COMMD10: variants seen among roughly 807,000 people sequenced by gnomAD.
COMMD10 encodes the protein COMM domain-containing protein 10.
In COMMD10, 33 loss-of-function variants were observed where a neutral mutation model predicts 28.9. The ratio of observed to expected loss-of-function variants is 1.14; its 90% confidence interval spans 0.87 to 1.53. COMMD10 has a LOEUF of 1.53. Among genes scored for constraint, COMMD10 ranks in the 40% most tolerant of loss-of-function variants. COMMD10 has a pLI of 0.00. For missense variants in COMMD10, 310 were observed against 233.4 expected, an observed-to-expected ratio of 1.33 and a Z score of -2.14; for synonymous variants, 110 against 81.7, an observed-to-expected ratio of 1.35 and a Z score of -1.87.
intron 4 of COMMD10, among the ~76,000 whole-genome samples, chr5:116,117,293 A>G (rs1751272045): frequency 6.6e-6 from 1 of 152,160 alleles, no homozygotes; most frequent in African/African-American, 2.4e-5. Context: ...ATATCTAGTA[A>G]TGGGGATTGC....
At chr5:116,112,501 A>G (rs997685012) in intron 4 of COMMD10, among the ~76,000 whole-genome samples, 3 of 152,050 alleles carry the variant, frequency 2.0e-5, no homozygotes, top group Admixed American at 6.5e-5. Flanking sequence ...GGTTCAAGCA[A>G]TTCTCCTGCC....
intron 5 of COMMD10, among the ~76,000 whole-genome samples, chr5:116,170,475 G>C (rs909138640): frequency 6.6e-6 from 1 of 152,148 alleles, no homozygotes; most frequent in Non-Finnish European, 1.5e-5. Context: ...CACAGAATTA[G>C]AGGAAACTAC....
At chr5:116,230,447 A>G (rs1749501057) in intron 5 of COMMD10, among the ~76,000 whole-genome samples, 2 of 152,036 alleles carry the variant, frequency 1.3e-5, no homozygotes, top group Non-Finnish European at 2.9e-5. Context: ...GCTTCTTTGC[A>G]TTATAACCAG....
intron 5 of COMMD10, among the ~76,000 whole-genome samples, chr5:116,194,909 A>T (rs1748469247): frequency 6.6e-6 from 1 of 152,196 alleles, no homozygotes; most frequent in Admixed American, 6.5e-5. Flanking sequence ...AGATGCTAAA[A>T]TCCTTAACAA....
intron 5 of COMMD10, among the ~76,000 whole-genome samples, chr5:116,222,779 C>T (rs1270170873): frequency 6.6e-6 from 1 of 152,142 alleles, no homozygotes; most frequent in Non-Finnish European, 1.5e-5. Flanking sequence ...GCAACCTCTG[C>T]CTCCCAGGTT....
chr5:116,162,803 T>G (rs1752960936), intron 5 of COMMD10, among the ~76,000 whole-genome samples: 1 of 152,172 alleles, frequency 6.6e-6, no homozygotes, highest in Non-Finnish European at 1.5e-5. Context: ...AGTGTTGGGT[T>G]ATCGCACAGA....
In COMMD10 at chr5:116,092,526, T is replaced by C; in HGVS notation, c.244-19T>C. ...ATGAAGATGAGGGACATATGTAATT[T>C]TTTGTTTCTTTTTAATAGGCAGTGT... is the stretch of plus-strand genomic sequence containing the variant. On this transcript the variant is annotated intron_variant, in intron 3 of 6. Transcript: ENST00000274458. The C allele has an allele frequency of 6.5e-7, 1 of 1,530,308 alleles. No homozygotes were observed. The highest frequency in any genetic ancestry group is 8.8e-7 in the Non-Finnish European group (1 of 1,136,070). 94.8% of individuals were successfully genotyped at this position (1,530,308 alleles called of 1,614,324 possible). A position where few individuals can be genotyped will look rare whatever the true frequency, so the allele number is the denominator to read the frequency against.
intron 5 of COMMD10, among the ~76,000 whole-genome samples, chr5:116,219,453 C>G (rs1263621972): frequency 1.3e-5 from 2 of 151,968 alleles, no homozygotes; most frequent in Non-Finnish European, 2.9e-5. Flanking sequence ...GCCATAAGCA[C>G]AATAATAAAT....
intron 5 of COMMD10, among the ~76,000 whole-genome samples, chr5:116,157,598 T>C (rs946744418): frequency 1.3e-5 from 2 of 152,204 alleles, no homozygotes; most frequent in Non-Finnish European, 2.9e-5. Context: ...TCATATTCTG[T>C]TGGCCAAAGG....
rs76698053 is a variant in COMMD10 at position 116,177,437 on chromosome 5, G to A, written c.510+43259G>A. On this transcript the variant is annotated intron_variant, in intron 5 of 6. Coordinates refer to ENST00000274458, the MANE Select transcript of COMMD10 (RefSeq NM_016144.4). ...CATTATTCTCCTAATTTATCTTCCT[G>A]CCTTCAGAATCTTCCTCTTCCAACC... 3.2e-3 allele frequency among the ~76,000 whole-genome samples: 489 copies of A among 151,832 alleles called. 9 individuals are homozygous for A. The East Asian group carries it at 0.053, about 17-fold the overall frequency.
chr5:116,254,974 T>G (rs376979662), intron 5 of COMMD10, among the ~76,000 whole-genome samples: 15,102 of 151,134 alleles, frequency 0.1, 916 homozygotes, highest in Admixed American at 0.14. Context: ...TTATGAATCT[T>G]GGTGCTCCTG....
rs557101490 is a variant in COMMD10 at position 116,278,499 on chromosome 5, A to G, written c.511-13018A>G. On this transcript the variant is annotated intron_variant, in intron 5 of 6. Transcript: ENST00000274458. ...AAATATAGTGATGATATGACTGCCA[A>G]GCATATTGCTTTACACTGAAGCAAA... Among the ~76,000 whole-genome samples, 3 of 152,010 alleles carry G rather than the reference A, an allele frequency of 2.0e-5. No homozygotes were observed. In the South Asian group the frequency reaches 6.2e-4, roughly 32 times the overall value.
intron 5 of COMMD10, among the ~76,000 whole-genome samples, chr5:116,167,668 G>A (rs191916760): frequency 4.6e-5 from 7 of 152,132 alleles, no homozygotes; most frequent in Admixed American, 2.0e-4. Flanking sequence ...AGAGAGTGGG[G>A]GCCAATATTC....
intron 4 of COMMD10, among the ~76,000 whole-genome samples, chr5:116,102,599 A>G (rs559753906): frequency 1.9e-4 from 29 of 152,190 alleles, no homozygotes; most frequent in Admixed American, 3.3e-4. Flanking sequence ...GAAAAATGAC[A>G]ATGGTATTTT....
chr5:116,251,756 G>T (rs1368490027), intron 5 of COMMD10, among the ~76,000 whole-genome samples: 1 of 151,846 alleles, frequency 6.6e-6, no homozygotes, highest in African/African-American at 2.4e-5. Context: ...ATAAACATAC[G>T]TGTGCATGTG....
intron 4 of COMMD10, among the ~76,000 whole-genome samples, chr5:116,110,904 A>G (rs1580452966): frequency 6.6e-6 from 1 of 152,048 alleles, no homozygotes; most frequent in African/African-American, 2.4e-5. Flanking sequence ...TTCCTGAGAA[A>G]CCTGCCTCCA....
At position 116,293,148 on chromosome 5, in the gene COMMD10, G is replaced by A. The variant is rs1425727415; in HGVS notation, c.*659G>A. On this transcript the variant is annotated 3_prime_UTR_variant, in exon 7 of 7. Transcript: ENST00000274458. Reference sequence around the variant, plus strand: ...CAAATTAATAATGATTCACTTTATAGTTTGGGAGACAGAATCAGGTCTTGA... The same window carrying A: ...CAAATTAATAATGATTCACTTTATAATTTGGGAGACAGAATCAGGTCTTGA... 5 of 393,342 alleles carry A rather than the reference G, an allele frequency of 1.3e-5. No individual in the cohort carries two copies. The highest frequency in any genetic ancestry group is 8.3e-5 in the African/African-American group (4 of 48,432). The allele number at this position is 393,342 out of a possible 1,614,324, so 24.4% of individuals were successfully genotyped here. A position where few individuals can be genotyped will look rare whatever the true frequency, so the allele number is the denominator to read the frequency against.
chr5:116,231,917 G>T (rs990350977), intron 5 of COMMD10, among the ~76,000 whole-genome samples: 3 of 152,022 alleles, frequency 2.0e-5, no homozygotes, highest in African/African-American at 7.2e-5. Flanking sequence ...TTAAAGAACA[G>T]TTTAAGGTAT....
rs148955279 is a variant in COMMD10 at position 116,248,430 on chromosome 5, T to C, written c.511-43087T>C. 1.1e-4 allele frequency among the ~76,000 whole-genome samples: 16 copies of C among 152,102 alleles called. No individual in the cohort carries two copies. The East Asian group carries it at 2.7e-3, about 26-fold the overall frequency. ...TTTGACAGAAAAAGAATTAAGGTTA[T>C]TTACAACAAAGACTCCGGAAAGGTA... On this transcript the variant is annotated intron_variant, in intron 5 of 6. Transcript: ENST00000274458.
Sources: allele counts gnomAD v4.1 joint callset (sites outside exome capture counted in the v4.1 genomes callset), GRCh38; gene constraint gnomAD v4.1.1; transcripts MANE v1.5; gene names NCBI Gene and HGNC (gene_info 2026-07-23, HGNC 2026-07-21).